The following VWCE variants were observed in gnomAD, a reference collection of about 807,000 sequenced individuals.
The protein encoded by VWCE is von Willebrand factor C and EGF domains.
Under a neutral mutation model 102.9 loss-of-function variants are expected in VWCE, and 68 were observed. That is an observed-to-expected ratio of 0.66 (90% confidence interval 0.54 to 0.81). The LOEUF (loss-of-function observed/expected upper bound fraction) is 0.81, where lower values mean the gene tolerates loss of function less well. VWCE is among the 30% of genes least tolerant of loss of function. The pLI, the probability that VWCE is intolerant of heterozygous loss-of-function variation, is 0.00. For synonymous variants in VWCE, 497 were observed against 515.4 expected, an observed-to-expected ratio of 0.96 and a Z score of 0.48; for missense variants, 1,137 against 1,263.6, an observed-to-expected ratio of 0.90 and a Z score of 1.52.
chr11:61,273,466 G>C (rs1482125994), intron 12 of VWCE, 150 bp from the exon 13 acceptor site: 2 of 738,580 alleles, frequency 2.7e-6, no homozygotes, highest in Non-Finnish European at 4.3e-6. Context: ...AACTGACAAA[G>C]AAATCTCCAA....
At chr11:61,263,402 TA>T (rs1403987839) in intron 19 of VWCE, among the ~76,000 whole-genome samples, 8 of 151,680 alleles carry the variant, frequency 5.3e-5, no homozygotes, top group Admixed American at 2.0e-4. Flanking sequence ...CAAAGACAAC[TA>T]TTGCAAAATC....
rs1802852582 is a variant in VWCE at position 61,259,112 on chromosome 11, G to A, written c.2431C>T (p.Gln811Ter). The A allele has an allele frequency of 6.2e-7, 1 of 1,614,170 alleles. No individual in the cohort carries two copies. The highest frequency in any genetic ancestry group is 8.5e-7 in the Non-Finnish European group (1 of 1,180,026). Residue 811 changes from glutamine (Q) to a stop codon, truncating the protein, a stop_gained, in exon 20 of 20, where the codon CAG becomes TAG. Transcript: ENST00000335613. LOFTEE classifies it low-confidence loss of function (END_TRUNC). Reference sequence around the variant, plus strand: ...CCTGCCGGGCTTGTAGGTAAAGTCTGTGTTTTCATCAAGTTCGTTCTTAAA... The same window carrying A: ...CCTGCCGGGCTTGTAGGTAAAGTCTATGTTTTCATCAAGTTCGTTCTTAAA... ...LLLRTNLMKTQTLPTSPAGAH... is the reference protein window; with the variant it reads ...LLLRTNLMKT
In VWCE at chr11:61,269,245, GGT is replaced by G. The variant is rs558170763; in HGVS notation, c.1786-229_1786-228del. 8.7e-5 allele frequency: 47 copies of G among 539,580 alleles called. No individual in the cohort carries two copies. The East Asian group carries it at 1.2e-3, about 14-fold the overall frequency. 33.4% of individuals were successfully genotyped at this position (539,580 alleles called of 1,614,324 possible). A position where few individuals can be genotyped will look rare whatever the true frequency, so the allele number is the denominator to read the frequency against. On this transcript the variant is annotated intron_variant, in intron 14 of 19. Transcript: ENST00000335613. ...CATCTTTAAGGAGAAGGAAGGTCAG[GGT>G]TGGGATTCTGGTCTCCTCCGCTTCC...
At chr11:61,267,642 G>C in intron 15 of VWCE, 98 bp from the exon 16 acceptor site, 2 of 1,169,466 alleles carry the variant, frequency 1.7e-6, no homozygotes, top group Non-Finnish European at 2.5e-6. Context: ...ATGGCAAAGG[G>C]GAGGCCATGT....
In VWCE at chr11:61,271,683, T is replaced by C; in HGVS notation, c.1777A>G (p.Ile593Val). ...AGCAGGTTGTCATTCACCTGGCAGATGCATAACTCACAGGGGTCACCAGGC... is the reference window on the plus strand; with the variant it reads ...AGCAGGTTGTCATTCACCTGGCAGACGCATAACTCACAGGGGTCACCAGGC... ...WSPGDPCELC[I>V]CQADGSVSCK... Residue 593 changes from isoleucine (I) to valine (V), a missense_variant, in exon 14 of 20, where the codon ATC becomes GTC. Around this residue, in one of 5 missense-constraint regions of VWCE, gnomAD observed 212 missense variants for 235.1 expected, o/e 0.90. Coordinates refer to ENST00000335613, the MANE Select transcript of VWCE (RefSeq NM_152718.2). 6.2e-7 allele frequency: 1 copy of C among 1,612,676 alleles called. No individual in the cohort carries two copies. Among genetic ancestry groups the C allele is most frequent in the Non-Finnish European group, 8.5e-7 (1 of 1,179,426 alleles).
intron 14 of VWCE, chr11:61,269,266 C>T (rs1055063664): frequency 2.0e-5 from 10 of 500,706 alleles, no homozygotes; most frequent in East Asian, 6.9e-5. Flanking sequence ...TGGTCTCCTC[C>T]GCTTCCTGTA....
rs1048794665 is a variant in VWCE, at chr11:61,264,951, C to T, written c.2139+5G>A. On this transcript the variant is annotated splice_donor_5th_base_variant and intron_variant, in intron 18 of 19. Coordinates refer to ENST00000335613, the MANE Select transcript of VWCE (RefSeq NM_152718.2). Reference sequence around the variant, plus strand: ...GCCGCTCCTGGGTTCCCAGGCCCAGCTCACCTGGCACGTGCACCGGGTGCA... The same window carrying T: ...GCCGCTCCTGGGTTCCCAGGCCCAGTTCACCTGGCACGTGCACCGGGTGCA... 6.2e-7 allele frequency: 1 copy of T among 1,613,302 alleles called. No individual in the cohort carries two copies. Among genetic ancestry groups the T allele is most frequent in the African/African-American group, 1.3e-5 (1 of 74,936 alleles).
chr11:61,259,343 A>G (rs566152276), intron 19 of VWCE, 31 bp from the exon 20 acceptor site: 1 of 1,542,320 alleles, frequency 6.5e-7, no homozygotes, highest in Admixed American at 1.9e-5. Flanking sequence ...CGAGATGCAC[A>G]ATGGCTCTCT....
At chr11:61,268,405 T>A (rs1854574139) in intron 15 of VWCE, among the ~76,000 whole-genome samples, 1 of 152,040 alleles carries the variant, frequency 6.6e-6, no homozygotes, top group African/African-American at 2.4e-5. Flanking sequence ...AATACAAAAA[T>A]TAGCCAGGCA....
chr11:61,284,718 C>A (rs147370436), intron 5 of VWCE, among the ~76,000 whole-genome samples: 1 of 152,126 alleles, frequency 6.6e-6, no homozygotes, highest in African/African-American at 2.4e-5. Context: ...GAGGCCAAGG[C>A]GGGCAGATCA....
At chr11:61,283,033 C>A in intron 5 of VWCE, 128 bp from the exon 6 acceptor site, 1 of 785,518 alleles carries the variant, frequency 1.3e-6, no homozygotes, top group South Asian at 1.5e-5. Context: ...CTTAGCTGCC[C>A]CTCTTCTGCA....
chr11:61,270,015 T>A (rs1590623512), intron 14 of VWCE, among the ~76,000 whole-genome samples: 1 of 151,648 alleles, frequency 6.6e-6, no homozygotes, highest in Non-Finnish European at 1.5e-5. Context: ...CCTCCCGGGT[T>A]CACGCCATTC....
chr11:61,264,225 CAAAAAAAA>C (rs547085588), intron 19 of VWCE, among the ~76,000 whole-genome samples: 23 of 19,990 alleles, frequency 1.2e-3, no homozygotes, highest in Admixed American at 8.7e-3. Flanking sequence ...GACTCAGTCT[CAAAAAAAA>C]AAAAAAAAAA....
rs376906343 is a variant in VWCE, at chr11:61,264,950, G to A, written c.2139+6C>T. 6.2e-7 allele frequency: 1 copy of A among 1,613,224 alleles called. No individual in the cohort carries two copies. Among genetic ancestry groups the A allele is most frequent in the Non-Finnish European group, 8.5e-7 (1 of 1,180,024 alleles). On this transcript the variant is annotated splice_donor_region_variant and intron_variant, in intron 18 of 19. Transcript: ENST00000335613. ...GGCCGCTCCTGGGTTCCCAGGCCCAGCTCACCTGGCACGTGCACCGGGTGC... is the reference window on the plus strand; with the variant it reads ...GGCCGCTCCTGGGTTCCCAGGCCCAACTCACCTGGCACGTGCACCGGGTGC...
chr11:61,270,825 CTTTTTTTTTTTT>C, intron 14 of VWCE, among the ~76,000 whole-genome samples: 1 of 134,252 alleles, frequency 7.4e-6, no homozygotes. Context: ...GTTACACACA[CTTTTTTTTTTTT>C]TTTTTTTTGA....
Position 61,278,370 on chromosome 11 carries a change from C to T in VWCE, c.1407+24G>A, listed in dbSNP as rs11821976. ...AAAGGTTAAGAAAACACCCACGAGGCTTTGAGGATCTTGTGACGCTTACCA... is the reference window on the plus strand; with the variant it reads ...AAAGGTTAAGAAAACACCCACGAGGTTTTGAGGATCTTGTGACGCTTACCA... On this transcript the variant is annotated intron_variant, in intron 10 of 19. Coordinates refer to ENST00000335613, the MANE Select transcript of VWCE (RefSeq NM_152718.2). 1,568 of 1,613,682 alleles carry T rather than the reference C, an allele frequency of 9.7e-4. 23 individuals are homozygous for T. In the African/African-American group the frequency reaches 0.017, roughly 18 times the overall value.
chr11:61,262,907 G>A (rs888012432), intron 19 of VWCE, among the ~76,000 whole-genome samples: 1 of 152,204 alleles, frequency 6.6e-6, no homozygotes, highest in Non-Finnish European at 1.5e-5. Flanking sequence ...TGTTCACTGT[G>A]ACACTATTCA....
chr11:61,291,906 C>T (rs747386369), intron 1 of VWCE, among the ~76,000 whole-genome samples: 1 of 152,218 alleles, frequency 6.6e-6, no homozygotes, highest in Non-Finnish European at 1.5e-5. Flanking sequence ...AGGACCTTTG[C>T]ACTTGCAGTT....
chr11:61,271,905 T>G, intron 13 of VWCE, 145 bp from the exon 14 acceptor site: 1 of 702,558 alleles, frequency 1.4e-6, no homozygotes, highest in South Asian at 1.6e-5. Context: ...CTCATACAAA[T>G]GCACACTTAC....
Sources: allele counts gnomAD v4.1 joint callset (sites outside exome capture counted in the v4.1 genomes callset), GRCh38; gene constraint gnomAD v4.1.1; regional missense constraint gnomAD v4.1.1; transcripts MANE v1.5; gene names NCBI Gene and HGNC (gene_info 2026-07-23, HGNC 2026-07-21).